ADGRL3: variants seen among roughly 807,000 people sequenced by gnomAD.
ADGRL3 encodes adhesion G protein-coupled receptor L3.
Under a neutral mutation model 153.5 loss-of-function variants are expected in ADGRL3, and 62 were observed. The observed-to-expected ratio is 0.40, with a 90% CI of 0.33 to 0.50. The LOEUF is 0.50. Ranked by LOEUF, ADGRL3 falls within the 20% of genes least tolerant of loss-of-function variation. ADGRL3 has a pLI of 0.47. For missense variants in ADGRL3, 1,641 were observed against 1,859.4 expected (o/e 0.88, Z 2.16); for synonymous variants, 710 against 672.5 (o/e 1.06, Z -0.86).
Position 61,695,476 on chromosome 4 carries a change from A to G in ADGRL3, c.583+18541A>G, listed in dbSNP as rs116680367. Among the ~76,000 whole-genome samples the G allele has an allele frequency of 9.6e-3, 1,462 of 152,268 alleles. 28 individuals are homozygous for G. The highest frequency in any genetic ancestry group is 0.033 in the African/African-American group (1,354 of 41,536). On this transcript the variant is annotated intron_variant, in intron 6 of 26. Coordinates refer to ENST00000683033, the MANE Select transcript of ADGRL3 (RefSeq NM_001387552.1). ...ACAGTGGGATTAACATTTTCAGTAG[A>G]TCATGCTGTAAACAGATGTGCTGTC...
Position 61,515,611 on chromosome 4 carries a change from C to T in ADGRL3, c.56-1704C>T, listed in dbSNP as rs150207020. On this transcript the variant is annotated intron_variant, in intron 3 of 26. Coordinates refer to ENST00000683033, the MANE Select transcript of ADGRL3 (RefSeq NM_001387552.1). ...TGTTGAATGAATGAAAAAATAAGCA[C>T]ATTCTCCCCCACTCTAAATGTGCTT... Among the ~76,000 whole-genome samples, 683 of 152,220 alleles carry T rather than the reference C, an allele frequency of 4.5e-3. 7 individuals are homozygous for T. The highest frequency in any genetic ancestry group is 0.016 in the African/African-American group (649 of 41,548).
At chr4:61,570,963 G>A (rs1055353002) in intron 4 of ADGRL3, among the ~76,000 whole-genome samples, 2 of 151,388 alleles carry the variant, frequency 1.3e-5, no homozygotes, top group African/African-American at 2.4e-5. Context: ...GGAAATAACC[G>A]AGGCTGGAGG....
chr4:61,571,574 A>G (rs971877066), intron 4 of ADGRL3, among the ~76,000 whole-genome samples: 1 of 152,068 alleles, frequency 6.6e-6, no homozygotes, highest in Admixed American at 6.6e-5. Context: ...ATGGAGGCAA[A>G]TAGTTATTTT....
intron 5 of ADGRL3, among the ~76,000 whole-genome samples, chr4:61,669,083 C>A (rs947543203): frequency 6.6e-6 from 1 of 151,910 alleles, no homozygotes; most frequent in African/African-American, 2.4e-5. Context: ...CTTAAATTGC[C>A]CTTAAATTGT....
intron 2 of ADGRL3, among the ~76,000 whole-genome samples, chr4:61,496,406 G>C (rs2098316032): frequency 6.6e-6 from 1 of 152,280 alleles, no homozygotes; most frequent in Admixed American, 6.5e-5. Flanking sequence ...GCTCATGCCT[G>C]TAATCCCAGC....
chr4:61,676,021 T>C (rs1489481412), intron 5 of ADGRL3, among the ~76,000 whole-genome samples: 1 of 151,888 alleles, frequency 6.6e-6, no homozygotes, highest in Admixed American at 6.6e-5. Context: ...GTTTAATGGC[T>C]CCCATAAATA....
At chr4:61,228,226 A>G (rs1577914672) in intron 1 of ADGRL3, among the ~76,000 whole-genome samples, 1 of 152,222 alleles carries the variant, frequency 6.6e-6, no homozygotes, top group African/African-American at 2.4e-5. Flanking sequence ...CTCTGATGCT[A>G]TGAGAATGAT....
rs2095592928 is a variant in ADGRL3, at chr4:61,694,176, A to ATTTTTTTTTTTTTTTTT, written c.583+17243_583+17244insTTTTTTTTTTTTTTTTT. ...TCCTATACTATTTTAAAATTTTGTC[A>ATTTTTTTTTTTTTTTTT]TTATTTTTTTTTTTTTTTTTTTTTT... On this transcript the variant is annotated intron_variant, in intron 6 of 26. Coordinates refer to ENST00000683033, the MANE Select transcript of ADGRL3 (RefSeq NM_001387552.1). Among the ~76,000 whole-genome samples the ATTTTTTTTTTTTTTTTT allele has an allele frequency of 2.1e-5, 2 of 94,702 alleles. 1 individual carries two copies. 62.1% of individuals were successfully genotyped at this position (94,702 alleles called of 152,430 possible). A position where few individuals can be genotyped will look rare whatever the true frequency, so the allele number is the denominator to read the frequency against.
chr4:61,983,835 G>A (rs796932179), intron 19 of ADGRL3, among the ~76,000 whole-genome samples: 2 of 152,228 alleles, frequency 1.3e-5, no homozygotes, highest in African/African-American at 4.8e-5. Flanking sequence ...TCATAACCTT[G>A]TGTAATTATG....
At chr4:61,760,060 G>T (rs929571773) in intron 8 of ADGRL3, among the ~76,000 whole-genome samples, 1 of 152,212 alleles carries the variant, frequency 6.6e-6, no homozygotes, top group Admixed American at 6.5e-5. Flanking sequence ...ACCCAGCCGT[G>T]TGAGGTGTCA....
intron 2 of ADGRL3, among the ~76,000 whole-genome samples, chr4:61,424,780 G>C (rs1048418591): frequency 1.3e-5 from 2 of 152,164 alleles, no homozygotes; most frequent in African/African-American, 2.4e-5. Flanking sequence ...GGGCCAAGCT[G>C]TGTGCTCTGC....
intron 4 of ADGRL3, among the ~76,000 whole-genome samples, chr4:61,532,881 T>C (rs2098632002): frequency 6.6e-6 from 1 of 151,650 alleles, no homozygotes; most frequent in South Asian, 2.1e-4. Flanking sequence ...AAAGAGAAAG[T>C]GGGATTAGAG....
At chr4:61,594,007 C>G (rs940333177) in intron 5 of ADGRL3, among the ~76,000 whole-genome samples, 1 of 151,834 alleles carries the variant, frequency 6.6e-6, no homozygotes, top group Non-Finnish European at 1.5e-5. Context: ...TCTTTTGTCT[C>G]CTCTGATTGT....
chr4:61,998,003 G>A (rs1436793307), intron 20 of ADGRL3, among the ~76,000 whole-genome samples, 171 bp from the exon 21 acceptor site: 4 of 152,102 alleles, frequency 2.6e-5, no homozygotes, highest in African/African-American at 7.2e-5. Context: ...CCCAATTCTC[G>A]AAACTGGCTT....
rs2097658338 is a variant in ADGRL3 at position 61,813,861 on chromosome 4, C to T, written c.1452C>T (p.Asp484=). ...ACATTTCTCCGCCAATTCACCTTGA[C>T]TCTGAGCTAGAAAGACCCTCTGTTA... is the stretch of plus-strand genomic sequence containing the variant. ...VSYISPPIHL[D]SELERPSVKD... Residue 484 remains aspartate, a synonymous_variant, in exon 9 of 27, where the codon GAC becomes GAT. Transcript: ENST00000683033. The T allele has an allele frequency of 1.3e-6, 2 of 1,577,352 alleles. No individual in the cohort carries two copies. The highest frequency in any genetic ancestry group is 2.7e-5 in the African/African-American group (2 of 74,136).
At chr4:61,775,417 T>C (rs2097136332) in intron 8 of ADGRL3, 1 of 672,146 alleles carries the variant, frequency 1.5e-6, no homozygotes, top group Admixed American at 1.9e-5. Flanking sequence ...TGTGTGTGTG[T>C]GTGTGTGTGT....
intron 4 of ADGRL3, among the ~76,000 whole-genome samples, chr4:61,545,462 C>G (rs2098709095): frequency 6.6e-6 from 1 of 152,168 alleles, no homozygotes; most frequent in East Asian, 1.9e-4. Context: ...GATTTCCAGA[C>G]TGCTCATTAG....
chr4:61,930,069 G>A (rs1037607875), intron 13 of ADGRL3, among the ~76,000 whole-genome samples: 17 of 151,920 alleles, frequency 1.1e-4, no homozygotes, highest in African/African-American at 3.4e-4. Context: ...CCAGCTACTC[G>A]GGAGGTTGAG....
intron 5 of ADGRL3, among the ~76,000 whole-genome samples, chr4:61,652,151 G>A (rs943155810): frequency 2.0e-5 from 3 of 152,110 alleles, no homozygotes; most frequent in African/African-American, 4.8e-5. Context: ...ATTTTGGCAA[G>A]CATTCAAAGA....
Sources: gnomAD v4.1 joint callset for allele counts (sites outside exome capture counted in the v4.1 genomes callset) on GRCh38, gnomAD v4.1.1 for gene constraint, MANE v1.5 for transcripts, NCBI Gene and HGNC (gene_info 2026-07-23, HGNC 2026-07-21) for gene names.